Variants in CCL24 observed in about 807,000 individuals in gnomAD.
The protein encoded by CCL24 is C-C motif chemokine 24.
A neutral mutation model predicts 8.6 loss-of-function variants in CCL24; 6 were observed. That is an observed-to-expected ratio of 0.70 (90% CI 0.38 to 1.38). CCL24 has a LOEUF of 1.38. Among genes scored for constraint, CCL24 ranks in the 40% most tolerant of loss-of-function variants. The pLI is 0.02. For synonymous variants in CCL24, 59 were observed against 52.7 expected, an observed-to-expected ratio of 1.12 and a Z score of -0.52; for missense variants, 126 against 147.1, an observed-to-expected ratio of 0.86 and a Z score of 0.74.
chr7:75,813,594 G>T, intron 1 of CCL24, 49 bp downstream of exon 1: 1 of 1,525,894 alleles, frequency 6.6e-7, no homozygotes, highest in Non-Finnish European at 9.1e-7. Flanking sequence ...ACCCCCCACT[G>T]TGCCATCCCA....
upstream of CCL24, among the ~76,000 whole-genome samples, chr7:75,816,299 C>T (rs1554534128): frequency 2.0e-5 from 3 of 151,732 alleles, no homozygotes; most frequent in Non-Finnish European, 2.9e-5. Context: ...GTCAGCAAGG[C>T]GGGTCCCCTG....
At chr7:75,812,034 G>T (rs973772581) in intron 2 of CCL24, 70 bp from the exon 3 acceptor site, 4 of 1,347,268 alleles carry the variant, frequency 3.0e-6, no homozygotes, top group Non-Finnish European at 3.1e-6. Flanking sequence ...TTCATGGCGG[G>T]GGGGATGTGG....
At chr7:75,817,162 A>G (rs1442976640), upstream of CCL24, among the ~76,000 whole-genome samples, 1 of 151,540 alleles carries the variant, frequency 6.6e-6, no homozygotes, top group African/African-American at 2.4e-5. Context: ...CACTGTGCCC[A>G]GCTCATCATG....
At chr7:75,817,013 C>G (rs146135340), upstream of CCL24, among the ~76,000 whole-genome samples, 2 of 152,002 alleles carry the variant, frequency 1.3e-5, no homozygotes, top group Non-Finnish European at 2.9e-5. Context: ...TACAGGTGCA[C>G]GCCACCATGC....
intron 2 of CCL24, among the ~76,000 whole-genome samples, chr7:75,812,430 T>C (rs575454325): frequency 1.3e-5 from 2 of 152,084 alleles, no homozygotes; most frequent in South Asian, 4.2e-4. Context: ...ACAAAATGAG[T>C]TCACAGTTAC....
chr7:75,822,641 C>T (rs559349728), intron 1 of CCL24, among the ~76,000 whole-genome samples: 12 of 152,150 alleles, frequency 7.9e-5, no homozygotes, highest in Admixed American at 5.9e-4. Flanking sequence ...ACCAGCCTGG[C>T]CAACATGGTG....
chr7:75,813,505 G>T, intron 1 of CCL24, 82 bp from the exon 2 acceptor site: 2 of 1,268,608 alleles, frequency 1.6e-6, no homozygotes, highest in Non-Finnish European at 2.3e-6. Flanking sequence ...CTTGAACCCT[G>T]CACCAAACAC....
chr7:75,817,766 G>A (rs1220015640), upstream of CCL24, among the ~76,000 whole-genome samples: 5 of 151,848 alleles, frequency 3.3e-5, no homozygotes, highest in African/African-American at 7.3e-5. Flanking sequence ...GCCTCCCAAA[G>A]TGCTGGGATT....
upstream of CCL24, among the ~76,000 whole-genome samples, chr7:75,815,509 C>T (rs572395340): frequency 1.6e-4 from 24 of 152,078 alleles, no homozygotes; most frequent in East Asian, 2.5e-3. Context: ...AAAAAAACCA[C>T]GGGAAAACTG....
intron 1 of CCL24, among the ~76,000 whole-genome samples, chr7:75,819,538 G>T (rs1182310418): frequency 2.0e-5 from 3 of 150,420 alleles, no homozygotes; most frequent in Non-Finnish European, 3.0e-5. Context: ...TGAAGCAGGA[G>T]GATCGCTTGA....
upstream of CCL24, among the ~76,000 whole-genome samples, chr7:75,817,660 A>G (rs148828313): frequency 9.4e-5 from 14 of 149,474 alleles, no homozygotes; most frequent in East Asian, 2.8e-3. Context: ...CCATCACCAC[A>G]CCCAGCTAGT....
intron 1 of CCL24, among the ~76,000 whole-genome samples, chr7:75,823,088 T>C (rs1395296939): frequency 6.6e-6 from 1 of 152,148 alleles, no homozygotes; most frequent in Non-Finnish European, 1.5e-5. Flanking sequence ...ATCAATTCTT[T>C]CTTGCATTCT....
At position 75,811,428 on chromosome 7, in the gene CCL24, G is replaced by A. The variant is rs760023532; in HGVS notation, c.*368C>T. Among the ~76,000 whole-genome samples the A allele has an allele frequency of 6.6e-6, 1 of 151,442 alleles. No homozygotes were observed. The highest frequency in any genetic ancestry group is 1.5e-5 in the Non-Finnish European group (1 of 67,912). ...CAGGAGGCGGAGGTTGCAGTGAACC[G>A]AGATTGTGCCACTGCACTCCAGCCT... On this transcript the variant is annotated 3_prime_UTR_variant, in exon 3 of 3. Coordinates refer to ENST00000222902, the MANE Select transcript of CCL24 (RefSeq NM_002991.3).
intron 2 of CCL24, among the ~76,000 whole-genome samples, chr7:75,812,260 AT>A (rs1425038295): frequency 6.6e-6 from 1 of 151,030 alleles, no homozygotes; most frequent in Non-Finnish European, 1.5e-5. Flanking sequence ...AATTTTTTTT[AT>A]TTTTTTGCAG....
At chr7:75,816,854 A>C (rs1554534216), upstream of CCL24, among the ~76,000 whole-genome samples, 2 of 110,916 alleles carry the variant, frequency 1.8e-5, no homozygotes, top group East Asian at 2.9e-4. Context: ...GAGCCACTGC[A>C]CCTGGCCAAA....
At chr7:75,813,966 C>T (rs1281762283), upstream of CCL24, among the ~76,000 whole-genome samples, 1 of 152,018 alleles carries the variant, frequency 6.6e-6, no homozygotes, top group Non-Finnish European at 1.5e-5. Context: ...TCTTGGGCTC[C>T]GAACGAAAGA....
upstream of CCL24, among the ~76,000 whole-genome samples, chr7:75,818,216 T>G (rs1803934407): frequency 2.0e-5 from 3 of 152,008 alleles, no homozygotes; most frequent in African/African-American, 7.2e-5. Flanking sequence ...AGCTGATGCC[T>G]TGCAAGGATA....
chr7:75,812,059 T>A, intron 2 of CCL24, 95 bp from the exon 3 acceptor site: 2 of 999,136 alleles, frequency 2.0e-6, no homozygotes, highest in Non-Finnish European at 3.0e-6. Flanking sequence ...CCAGAGACAG[T>A]AAGGCTTCCT....
intron 1 of CCL24, among the ~76,000 whole-genome samples, chr7:75,822,535 A>G (rs1311192964): frequency 1.3e-5 from 2 of 152,104 alleles, no homozygotes; most frequent in East Asian, 3.9e-4. Context: ...TGTCACCAGT[A>G]AGGAAACTGA....
Sources: allele counts gnomAD v4.1 joint callset (sites outside exome capture counted in the v4.1 genomes callset), GRCh38; gene constraint gnomAD v4.1.1; transcripts MANE v1.5; gene names NCBI Gene and HGNC (gene_info 2026-07-23, HGNC 2026-07-21).